Variants in MAPK10 observed in about 807,000 individuals in gnomAD.
MAPK10 encodes the protein mitogen-activated protein kinase 10.
MAPK10 carries 25 observed loss-of-function variants against 59.3 expected under a neutral mutation model. That is an observed-to-expected ratio of 0.42 (90% confidence interval 0.31 to 0.59). The LOEUF (loss-of-function observed/expected upper bound fraction) is 0.59, where lower values mean the gene tolerates loss of function less well. Among genes scored for constraint, MAPK10 ranks in the 20% least tolerant of loss-of-function variants. MAPK10 has a pLI of 0.15. For synonymous variants in MAPK10, 190 were observed against 200.5 expected, an observed-to-expected ratio of 0.95 and a Z score of 0.44; for missense variants, 351 against 568.9, an observed-to-expected ratio of 0.62 and a Z score of 3.90.
chr4:86,471,519 G>A (rs1752662327), intron 1 of MAPK10, among the ~76,000 whole-genome samples: 1 of 151,932 alleles, frequency 6.6e-6, no homozygotes, highest in Non-Finnish European at 1.5e-5. Flanking sequence ...ACAATTGCCT[G>A]GATTTATATT....
intron 1 of MAPK10, among the ~76,000 whole-genome samples, chr4:86,447,466 C>G (rs1371457845): frequency 6.6e-6 from 1 of 152,084 alleles, no homozygotes; most frequent in Non-Finnish European, 1.5e-5. Context: ...CTGTATAAAC[C>G]AGGTTCTTGA....
At chr4:86,348,403 T>C (rs1205675332) in intron 2 of MAPK10, among the ~76,000 whole-genome samples, 1 of 152,164 alleles carries the variant, frequency 6.6e-6, no homozygotes, top group Non-Finnish European at 1.5e-5. Context: ...GAACAGTGCT[T>C]GGCATGAAGT....
At chr4:86,420,350 T>C (rs1271882185) in intron 1 of MAPK10, among the ~76,000 whole-genome samples, 1 of 152,178 alleles carries the variant, frequency 6.6e-6, no homozygotes, top group Admixed American at 6.5e-5. Context: ...TTTTGTATTA[T>C]TGAGGAACAA....
chr4:86,328,529 C>T (rs2096076465), intron 2 of MAPK10, among the ~76,000 whole-genome samples: 2 of 152,140 alleles, frequency 1.3e-5, no homozygotes, highest in African/African-American at 4.8e-5. Context: ...ATAAATCATT[C>T]TACTATAAAG....
At chr4:86,216,256 CTATA>C (rs377367291) in intron 2 of MAPK10, among the ~76,000 whole-genome samples, 43 of 137,970 alleles carry the variant, frequency 3.1e-4, no homozygotes, top group Non-Finnish European at 4.6e-4. Context: ...GCAAAATGTG[CTATA>C]TATATATATA....
chr4:86,232,477 C>T (rs2091700898), intron 2 of MAPK10, among the ~76,000 whole-genome samples: 1 of 151,938 alleles, frequency 6.6e-6, no homozygotes, highest in African/African-American at 2.4e-5. Flanking sequence ...GGGTTCACGC[C>T]ATTCTCCTGC....
chr4:86,533,382 TAAA>T (rs915172482), intron 1 of MAPK10, among the ~76,000 whole-genome samples: 3 of 152,246 alleles, frequency 2.0e-5, no homozygotes, highest in African/African-American at 7.2e-5. Context: ...ATTGTGTACT[TAAA>T]AAAGATTAAA....
intron 2 of MAPK10, among the ~76,000 whole-genome samples, chr4:86,212,678 T>A (rs745395304): frequency 6.6e-6 from 1 of 151,984 alleles, no homozygotes; most frequent in Non-Finnish European, 1.5e-5. Flanking sequence ...AAAGAAGATA[T>A]AACAATTATA....
intron 1 of MAPK10, among the ~76,000 whole-genome samples, chr4:86,411,788 T>C (rs112170546): frequency 1.9e-4 from 29 of 152,364 alleles, no homozygotes; most frequent in African/African-American, 6.5e-4. Context: ...GGAGTCTATG[T>C]GCGTCTTCGC....
At chr4:86,338,479 A>G (rs1389187364) in intron 2 of MAPK10, among the ~76,000 whole-genome samples, 1 of 152,134 alleles carries the variant, frequency 6.6e-6, no homozygotes, top group East Asian at 1.9e-4. Flanking sequence ...TGGAATCTCA[A>G]CTGGCTCCAT....
At chr4:86,444,430 A>G (rs1176245206) in intron 1 of MAPK10, among the ~76,000 whole-genome samples, 1 of 152,224 alleles carries the variant, frequency 6.6e-6, no homozygotes. Context: ...AAGATGGATT[A>G]AAGACTTAAA....
chr4:86,105,348 A>G (rs1241713291), intron 5 of MAPK10, among the ~76,000 whole-genome samples: 1 of 152,136 alleles, frequency 6.6e-6, no homozygotes, highest in Non-Finnish European at 1.5e-5. Context: ...ATACATACAT[A>G]CACACATAAA....
chr4:86,361,729 G>C (rs1737003829), upstream of MAPK10, among the ~76,000 whole-genome samples: 1 of 152,022 alleles, frequency 6.6e-6, no homozygotes, highest in Non-Finnish European at 1.5e-5. Context: ...TCTGTCATTT[G>C]CAACAACATA....
intron 2 of MAPK10, among the ~76,000 whole-genome samples, chr4:86,309,005 A>G (rs2095620656): frequency 6.6e-6 from 1 of 152,186 alleles, no homozygotes; most frequent in South Asian, 2.1e-4. Flanking sequence ...AAATACTGCT[A>G]TCATCATCAT....
intron 2 of MAPK10, among the ~76,000 whole-genome samples, chr4:86,248,316 T>A (rs1238120267): frequency 6.6e-6 from 1 of 152,264 alleles, no homozygotes; most frequent in Admixed American, 6.5e-5. Context: ...TTTGTTAACA[T>A]CTTTTGTAAA....
At chr4:86,242,262 A>T (rs985434092) in intron 2 of MAPK10, among the ~76,000 whole-genome samples, 4 of 152,000 alleles carry the variant, frequency 2.6e-5, no homozygotes, top group Non-Finnish European at 5.9e-5. Context: ...AGAGGCACCA[A>T]CCTGATGCCA....
At chr4:86,359,492 T>G (rs1389343541) in intron 1 of MAPK10, among the ~76,000 whole-genome samples, 166 bp downstream of exon 1, 2 of 152,010 alleles carry the variant, frequency 1.3e-5, no homozygotes, top group African/African-American at 4.8e-5. Context: ...AGGGAAAAAC[T>G]GGTAGCTTCT....
intron 2 of MAPK10, among the ~76,000 whole-genome samples, chr4:86,232,012 C>T (rs188640264): frequency 1.3e-5 from 2 of 152,178 alleles, no homozygotes; most frequent in Admixed American, 1.3e-4. Context: ...TCTATACCAG[C>T]GGTCACCAAA....
At chr4:86,262,663 GTGAATGAA>G (rs1250200245) in intron 2 of MAPK10, among the ~76,000 whole-genome samples, 1 of 152,150 alleles carries the variant, frequency 6.6e-6, no homozygotes, top group Non-Finnish European at 1.5e-5. Flanking sequence ...TAATTAATGA[GTGAATGAA>G]TGAATGATTC....
Sources: allele counts gnomAD v4.1 joint callset (sites outside exome capture counted in the v4.1 genomes callset), GRCh38; gene constraint gnomAD v4.1.1; transcripts MANE v1.5; gene names NCBI Gene and HGNC (gene_info 2026-07-23, HGNC 2026-07-21).